ARID1A: variants seen among roughly 807,000 people sequenced by gnomAD.
ARID1A encodes AT-rich interactive domain-containing protein 1A.
Under a neutral mutation model 212.6 loss-of-function variants are expected in ARID1A, and 20 were observed. That is an observed-to-expected ratio of 0.09 (90% confidence interval 0.07 to 0.14). The LOEUF (loss-of-function observed/expected upper bound fraction) is 0.14, where lower values mean the gene tolerates loss of function less well. Ranked by LOEUF, ARID1A falls within the 10% of genes least tolerant of loss-of-function variation. The pLI is 1.00. For synonymous variants in ARID1A, 1,376 were observed against 1,222.1 expected (o/e 1.13, Z -2.63); for missense variants, 2,587 against 3,059.0 (o/e 0.85, Z 3.64).
chr1:26,708,069 C>G (rs1488499426), intron 1 of ARID1A, among the ~76,000 whole-genome samples: 1 of 152,000 alleles, frequency 6.6e-6, no homozygotes, highest in Non-Finnish European at 1.5e-5. Context: ...TCCTGTCATT[C>G]CCTTCCATCC....
chr1:26,696,179 T>G lies in ARID1A; in HGVS notation c.-225T>G. 2 of 591,736 alleles carry G rather than the reference T, an allele frequency of 3.4e-6. No individual in the cohort carries two copies. The highest frequency in any genetic ancestry group is 4.6e-6 in the Non-Finnish European group (2 of 433,616). 36.7% of individuals were successfully genotyped at this position (591,736 alleles called of 1,614,324 possible). A position where few individuals can be genotyped will look rare whatever the true frequency, so the allele number is the denominator to read the frequency against. ...CGGGAGCAGCTGAGCCGCCGGCGCC[T>G]CGGCCGCCGCCGCCGCCTCCTCCTC... On this transcript the variant is annotated 5_prime_UTR_variant, in exon 1 of 20. Transcript: ENST00000324856.
In ARID1A at chr1:26,697,635, G is replaced by C. The variant is rs1004811075; in HGVS notation, c.1137+95G>C. ...GGGCCACAGCCTTGGGCTCCCCTCAGTCCCGGGCCCCCACTGCTGGGGAGC... is the reference window on the plus strand; with the variant it reads ...GGGCCACAGCCTTGGGCTCCCCTCACTCCCGGGCCCCCACTGCTGGGGAGC... On this transcript the variant is annotated intron_variant, in intron 1 of 19. Transcript: ENST00000324856. 21 of 1,172,446 alleles carry C rather than the reference G, an allele frequency of 1.8e-5. No homozygotes were observed. The African/African-American group carries it at 3.0e-4, about 17-fold the overall frequency. The allele number at this position is 1,172,446 out of a possible 1,614,324, so 72.6% of individuals were successfully genotyped here.
At position 26,728,755 on chromosome 1, in the gene ARID1A, C is replaced by T. The variant is rs180772805; in HGVS notation, c.1138-896C>T. Among the ~76,000 whole-genome samples, 260 of 152,230 alleles carry T rather than the reference C, an allele frequency of 1.7e-3. 1 individual carries two copies. The highest frequency in any genetic ancestry group is 3.0e-3 in the Non-Finnish European group (203 of 68,020). On this transcript the variant is annotated intron_variant, in intron 1 of 19. Transcript: ENST00000324856. ...GTGCTTAGAGAAACTTCCCCCTCCCCGCACACCACCAATAGATATAGGTAG... is the reference window on the plus strand; with the variant it reads ...GTGCTTAGAGAAACTTCCCCCTCCCTGCACACCACCAATAGATATAGGTAG...
chr1:26,757,465 G>A (rs1416749991), intron 4 of ARID1A, among the ~76,000 whole-genome samples: 3 of 141,288 alleles, frequency 2.1e-5, no homozygotes, highest in Non-Finnish European at 3.1e-5. Context: ...GTGAGACTCC[G>A]TCTCAAAAAA....
chr1:26,742,289 C>T (rs182571287), intron 4 of ARID1A, among the ~76,000 whole-genome samples: 155 of 152,280 alleles, frequency 1.0e-3, no homozygotes, highest in Non-Finnish European at 1.4e-3. Context: ...GTGGAAAGAG[C>T]GAGTGGTAGG....
At chr1:26,750,787 C>T (rs907776525) in intron 4 of ARID1A, among the ~76,000 whole-genome samples, 1 of 151,982 alleles carries the variant, frequency 6.6e-6, no homozygotes, top group Non-Finnish European at 1.5e-5. Context: ...CATTCAAAGT[C>T]ACCCTCCCCA....
rs1317591362 is a variant in ARID1A at position 26,696,132 on chromosome 1, C to A, written c.-272C>A. ...GCTTGGGGGGAATGAGCCGGGAGAG[C>A]CGGGTCCCGAGCCTACAGAGCCGGG... On this transcript the variant is annotated 5_prime_UTR_variant, in exon 1 of 20. Coordinates refer to ENST00000324856, the MANE Select transcript of ARID1A (RefSeq NM_006015.6). The A allele has an allele frequency of 2.1e-6, 1 of 477,694 alleles. No homozygotes were observed. Among genetic ancestry groups the A allele is most frequent in the Non-Finnish European group, 3.0e-6 (1 of 335,648 alleles). The allele number at this position is 477,694 out of a possible 1,614,324, so 29.6% of individuals were successfully genotyped here.
rs2124086945 is a variant in ARID1A, at chr1:26,767,902, A to G, written c.3101A>G (p.Lys1034Arg). The change falls in exon 11 of 20, where the codon AAG becomes AGG. Residue 1034 changes from lysine to arginine, a missense_variant. Coordinates refer to ENST00000324856, the MANE Select transcript of ARID1A (RefSeq NM_006015.6). ...VDRYLAFTEE[K>R]AMGMTNLPAV... Reference sequence around the variant, plus strand: ...CGTTATCTGGCCTTCACTGAGGAGAAGGCCATGGGCATGACAAATCTGCCT... The same window carrying G: ...CGTTATCTGGCCTTCACTGAGGAGAGGGCCATGGGCATGACAAATCTGCCT... The G allele has an allele frequency of 6.2e-7, 1 of 1,614,164 alleles. No homozygotes were observed. The highest frequency in any genetic ancestry group is 8.5e-7 in the Non-Finnish European group (1 of 1,180,020).
intron 4 of ARID1A, among the ~76,000 whole-genome samples, chr1:26,747,639 T>A (rs2080850067): frequency 6.8e-6 from 1 of 147,004 alleles, no homozygotes; most frequent in African/African-American, 2.5e-5. Context: ...GGCCAGGAGC[T>A]GGAGACCACC....
chr1:26,755,903 C>T (rs2124035437), intron 4 of ARID1A, among the ~76,000 whole-genome samples: 1 of 152,090 alleles, frequency 6.6e-6, no homozygotes, highest in Non-Finnish European at 1.5e-5. Flanking sequence ...GCCACCACAC[C>T]TGGCTATTTT....
Position 26,781,973 on chromosome 1 carries a change from ATG to A in ARID1A, c.*1219_*1220del, listed in dbSNP as rs994223697. ...AAATCTGCATATTTGTATTTCAACA[ATG>A]TAGCTAAAACTTGATGTAAATTCCT... On this transcript the variant is annotated 3_prime_UTR_variant, in exon 20 of 20. Coordinates refer to ENST00000324856, the MANE Select transcript of ARID1A (RefSeq NM_006015.6). 3.4e-5 allele frequency: 8 copies of A among 233,444 alleles called. No homozygotes were observed. The highest frequency in any genetic ancestry group is 1.5e-4 in the African/African-American group (7 of 45,338). The allele number at this position is 233,444 out of a possible 1,614,324, so 14.5% of individuals were successfully genotyped here.
chr1:26,696,792 A>G lies in ARID1A; in HGVS notation c.389A>G (p.Asp130Gly), dbSNP rs1261485778. 1 of 1,332,616 alleles carries G rather than the reference A, an allele frequency of 7.5e-7. No individual in the cohort carries two copies. The highest frequency in any genetic ancestry group is 9.6e-7 in the Non-Finnish European group (1 of 1,046,720). The allele number at this position is 1,332,616 out of a possible 1,614,324, so 82.5% of individuals were successfully genotyped here. ...GGCGGCGGCGGTGGCGGCAGCAGCG[A>G]TGGGGTGGGGGCGCCTCCTCACTCA... is the stretch of plus-strand genomic sequence containing the variant. ...PPGGGGGGSSDGVGAPPHSAA... is the reference protein window; with the variant it reads ...PPGGGGGGSSGGVGAPPHSAA... The change falls in exon 1 of 20, where the codon GAT becomes GGT. Residue 130 changes from aspartate (D) to glycine (G), a missense_variant. Physicochemically the swap from Asp to Gly is moderately conservative, Grantham distance 94. Transcript: ENST00000324856.
intron 4 of ARID1A, among the ~76,000 whole-genome samples, chr1:26,751,169 C>T (rs1472809827): frequency 6.6e-6 from 1 of 151,868 alleles, no homozygotes; most frequent in Non-Finnish European, 1.5e-5. Context: ...GCAGGAGAAT[C>T]ACTAGAACCT....
chr1:26,709,603 G>A (rs1013805950), intron 1 of ARID1A, among the ~76,000 whole-genome samples: 1 of 145,560 alleles, frequency 6.9e-6, no homozygotes, highest in Non-Finnish European at 1.5e-5. Context: ...CTAGTTTTTA[G>A]CTACATCTGA....
In ARID1A at chr1:26,775,638, A is replaced by G. The variant is rs1258593143; in HGVS notation, c.5055A>G (p.Thr1685=). ...SLKSGLLAES[T]WALDTINILL... ...AGTCTGGTCTCCTGGCAGAGAGCACATGGGCATTAGATACCATCAACATCC... is the reference window on the plus strand; with the variant it reads ...AGTCTGGTCTCCTGGCAGAGAGCACGTGGGCATTAGATACCATCAACATCC... The change falls in exon 19 of 20, where the codon ACA becomes ACG. Residue 1685 remains threonine (T), a synonymous_variant. Coordinates refer to ENST00000324856, the MANE Select transcript of ARID1A (RefSeq NM_006015.6). The G allele has an allele frequency of 3.7e-6, 6 of 1,614,086 alleles. No homozygotes were observed. The highest frequency in any genetic ancestry group is 2.5e-6 in the Non-Finnish European group (3 of 1,180,040).
At chr1:26,777,909 AAT>A (rs917868938) in intron 19 of ARID1A, among the ~76,000 whole-genome samples, 1 of 152,064 alleles carries the variant, frequency 6.6e-6, no homozygotes, top group African/African-American at 2.4e-5. Context: ...CTCCACCAAA[AAT>A]ATAAAAATTA....
At chr1:26,735,936 G>T (rs576787813) in intron 4 of ARID1A, among the ~76,000 whole-genome samples, 2 of 152,186 alleles carry the variant, frequency 1.3e-5, no homozygotes, top group Admixed American at 1.3e-4. Context: ...CTTAAAGATT[G>T]TTCCTTCAGA....
chr1:26,703,061 G>T (rs1405090274), intron 1 of ARID1A, among the ~76,000 whole-genome samples: 1 of 152,106 alleles, frequency 6.6e-6, no homozygotes, highest in African/African-American at 2.4e-5. Context: ...TGTTGTGCTG[G>T]GGATTATAAG....
intron 4 of ARID1A, among the ~76,000 whole-genome samples, chr1:26,759,771 C>T (rs2124049538): frequency 6.6e-6 from 1 of 152,268 alleles, no homozygotes; most frequent in East Asian, 1.9e-4. Flanking sequence ...ATACCAAGTT[C>T]TCACTGAAAA....
Sources: gnomAD v4.1 joint callset for allele counts (sites outside exome capture counted in the v4.1 genomes callset) on GRCh38, gnomAD v4.1.1 for gene constraint, MANE v1.5 for transcripts, NCBI Gene and HGNC (gene_info 2026-07-23, HGNC 2026-07-21) for gene names.